Variants in IARS1 observed in about 807,000 individuals in gnomAD.
The protein encoded by IARS1 is isoleucyl-tRNA synthetase 1.
A neutral mutation model predicts 168.2 loss-of-function variants in IARS1; 124 were observed. That is an observed-to-expected ratio of 0.74 (90% CI 0.64 to 0.86). The LOEUF (loss-of-function observed/expected upper bound fraction) is 0.86, where lower values mean the gene tolerates loss of function less well. Ranked by LOEUF, IARS1 falls within the 40% of genes least tolerant of loss-of-function variation. The pLI, the probability that IARS1 is intolerant of heterozygous loss-of-function variation, is 0.00. For synonymous variants in IARS1, 532 were observed against 529.4 expected (o/e 1.00, Z -0.07); for missense variants, 1,452 against 1,515.8 (o/e 0.96, Z 0.70).
intron 33 of IARS1, among the ~76,000 whole-genome samples, chr9:92,211,445 C>T (rs1391698170): frequency 6.6e-6 from 1 of 152,138 alleles, no homozygotes; most frequent in African/African-American, 2.4e-5. Context: ...GAGTCTGAGT[C>T]CTCCTAGCAG....
chr9:92,278,021 T>C (rs1834005861), intron 8 of IARS1, 98 bp from the exon 9 acceptor site: 1 of 1,208,642 alleles, frequency 8.3e-7, no homozygotes, highest in South Asian at 1.3e-5. Context: ...ACTGGCTTCT[T>C]AGCCCTAGCC....
At chr9:92,267,807 CT>C (rs1380253812) in intron 14 of IARS1, among the ~76,000 whole-genome samples, 1 of 152,076 alleles carries the variant, frequency 6.6e-6, no homozygotes, top group East Asian at 1.9e-4. Context: ...TTCAAGTTTT[CT>C]TTTTTCATCA....
chr9:92,271,489 A>C (rs368787535), intron 11 of IARS1, 44 bp downstream of exon 11: 5 of 1,607,600 alleles, frequency 3.1e-6, no homozygotes, highest in East Asian at 4.5e-5. Flanking sequence ...GTAGAGACTA[A>C]TCAGAAGTAA....
Position 92,288,128 on chromosome 9 carries a change from C to A in IARS1, c.274G>T (p.Val92Leu), listed in dbSNP as rs942994892. Residue 92 changes from valine to leucine, a missense_variant and splice_region_variant, in exon 3 of 34, where the codon GTG (valine) becomes TTG (leucine). Transcript: ENST00000443024. ...TAAAGCTGGATACTCAAACATACCA[C>A]AGGTAAGCCATGGCAATCCCATCCA... ...RFGWDCHGLPVEYEIDKTLGI... is the reference protein window; with the variant it reads ...RFGWDCHGLPLEYEIDKTLGI... The A allele has an allele frequency of 6.2e-7, 1 of 1,612,846 alleles. No homozygotes were observed. The highest frequency in any genetic ancestry group is 8.5e-7 in the Non-Finnish European group (1 of 1,179,626).
chr9:92,233,511 G>A (rs1410674256), intron 30 of IARS1, among the ~76,000 whole-genome samples: 2 of 152,166 alleles, frequency 1.3e-5, no homozygotes, highest in Non-Finnish European at 2.9e-5. Flanking sequence ...CACACCATTG[G>A]ACTGGGTAAG....
chr9:92,278,064 T>G, intron 8 of IARS1, 135 bp downstream of exon 8: 1 of 1,011,514 alleles, frequency 9.9e-7, no homozygotes, highest in East Asian at 2.4e-5. Context: ...GCAAAGTACT[T>G]AGTATAGTAT....
intron 33 of IARS1, among the ~76,000 whole-genome samples, chr9:92,221,188 A>G (rs1440584959): frequency 6.6e-6 from 1 of 152,166 alleles, no homozygotes; most frequent in Non-Finnish European, 1.5e-5. Flanking sequence ...GGACAAAAGG[A>G]GGGAAAATAG....
At position 92,274,418 on chromosome 9, in the gene IARS1, C is replaced by T; in HGVS notation, c.990+8G>A. ...CTCAAATACATTTGCCAGACTTATG[C>T]TACTCACAGCACCGAAGTAAGGAGC... On this transcript the variant is annotated splice_region_variant and intron_variant, in intron 10 of 33. Coordinates refer to ENST00000443024, the MANE Select transcript of IARS1 (RefSeq NM_002161.6). 1 of 1,606,766 alleles carries T rather than the reference C, an allele frequency of 6.2e-7. No homozygotes were observed. Among genetic ancestry groups the T allele is most frequent in the Non-Finnish European group, 8.5e-7 (1 of 1,173,348 alleles).
In IARS1 at chr9:92,278,217, T is replaced by A; in HGVS notation, c.815A>T (p.Asp272Val). The change falls in exon 8 of 34, where the codon GAC becomes GTC. Residue 272 changes from aspartate to valine, a missense_variant. Coordinates refer to ENST00000443024, the MANE Select transcript of IARS1 (RefSeq NM_002161.6). ...RLSALYKLESDYEILERFPGA... is the reference protein window; with the variant it reads ...RLSALYKLESVYEILERFPGA... ...TATTCACCTTTCAAGGATCTCATAG[T>A]CACTCTCCAATTTATAGAGGGCTGA... is the stretch of plus-strand genomic sequence containing the variant. 1 of 1,605,100 alleles carries A rather than the reference T, an allele frequency of 6.2e-7. No individual in the cohort carries two copies. Among genetic ancestry groups the A allele is most frequent in the Non-Finnish European group, 8.5e-7 (1 of 1,171,714 alleles).
intron 30 of IARS1, among the ~76,000 whole-genome samples, chr9:92,229,346 C>T (rs1245961658): frequency 7.6e-6 from 1 of 131,080 alleles, no homozygotes; most frequent in Non-Finnish European, 1.6e-5. Context: ...AGTGTATATG[C>T]AATATATACA....
intron 4 of IARS1, 22 bp from the exon 5 acceptor site, chr9:92,286,640 A>G: frequency 8.6e-7 from 1 of 1,164,282 alleles, no homozygotes; most frequent in Non-Finnish European, 1.3e-6. Flanking sequence ...TAATATTAGA[A>G]CAGTATTAGA....
In IARS1 at chr9:92,268,033, C is replaced by T. The variant is rs559663288; in HGVS notation, c.1431+141G>A. 17 of 887,314 alleles carry T rather than the reference C, an allele frequency of 1.9e-5. No individual in the cohort carries two copies. In the East Asian group the frequency reaches 4.9e-4, roughly 26 times the overall value. 55.0% of individuals were successfully genotyped at this position (887,314 alleles called of 1,614,324 possible). On this transcript the variant is annotated intron_variant, in intron 14 of 33. Coordinates refer to ENST00000443024, the MANE Select transcript of IARS1 (RefSeq NM_002161.6). ...AAACAGATTATCTTATGTCATGATTCTAGAAAGGAATAAAGAGGAAAAAAG... is the reference window on the plus strand; with the variant it reads ...AAACAGATTATCTTATGTCATGATTTTAGAAAGGAATAAAGAGGAAAAAAG...
intron 30 of IARS1, among the ~76,000 whole-genome samples, chr9:92,231,136 G>A (rs1826613968): frequency 1.3e-5 from 2 of 152,046 alleles, no homozygotes; most frequent in Non-Finnish European, 2.9e-5. Context: ...TTGTGTCAAG[G>A]CTTTAAAACT....
chr9:92,210,344 T>C lies in IARS1; in HGVS notation c.*463A>G, dbSNP rs928168192. On this transcript the variant is annotated 3_prime_UTR_variant, in exon 34 of 34. Transcript: ENST00000443024. ...GAATGAATTACTTTCAACACATTTA[T>C]ATCTGAGTTTGTTTATTGTTCTGAT... is the stretch of plus-strand genomic sequence containing the variant. 3 of 153,084 alleles carry C rather than the reference T, an allele frequency of 2.0e-5. No homozygotes were observed. Among genetic ancestry groups the C allele is most frequent in the African/African-American group, 2.4e-5 (1 of 41,596 alleles). 9.5% of individuals were successfully genotyped at this position (153,084 alleles called of 1,614,324 possible).
rs1161741179 is a variant in IARS1, at chr9:92,282,114, A to AAAAAC, written c.598-1222_598-1221insGTTTT. Among the ~76,000 whole-genome samples the AAAAAC allele has an allele frequency of 1.4e-3, 219 of 152,304 alleles. 6 individuals are homozygous for AAAAAC. The South Asian group carries it at 0.044, about 31-fold the overall frequency. On this transcript the variant is annotated intron_variant, in intron 6 of 33. Transcript: ENST00000443024. ...CAATGTTACTGATTTTAGGAAATAT[A>AAAAAC]TAGTTTTTAGAGGAAAAGGGCCATA...
chr9:92,222,598 G>T lies in IARS1; in HGVS notation c.3628C>A (p.Leu1210Ile), dbSNP rs1469110167. 3 of 1,614,048 alleles carry T rather than the reference G, an allele frequency of 1.9e-6. No homozygotes were observed. Among genetic ancestry groups the T allele is most frequent in the South Asian group, 2.2e-5 (2 of 91,082 alleles). The part of the protein sequence containing the change: ...LGQNGLTHQG[L>I]LYEAAKVFGL... ...AACACCTTGGCTGCTTCATACAGAAGACCTTGGTGGGTGAGTCCATTCTGC... is the reference window on the plus strand; with the variant it reads ...AACACCTTGGCTGCTTCATACAGAATACCTTGGTGGGTGAGTCCATTCTGC... The change falls in exon 33 of 34, where the codon CTT becomes ATT. Residue 1210 changes from leucine (L) to isoleucine (I), a missense_variant. Physicochemically the swap from Leu to Ile is conservative, Grantham distance 5. Coordinates refer to ENST00000443024, the MANE Select transcript of IARS1 (RefSeq NM_002161.6).
intron 9 of IARS1, among the ~76,000 whole-genome samples, chr9:92,277,473 T>TTTG (rs1212324775): frequency 3.3e-5 from 5 of 150,368 alleles, no homozygotes; most frequent in Admixed American, 6.6e-5. Flanking sequence ...ATTCCAGGAG[T>TTTG]TCAAGACCAG....
chr9:92,226,563 A>C (rs1049999962), intron 31 of IARS1, among the ~76,000 whole-genome samples: 9 of 152,196 alleles, frequency 5.9e-5, no homozygotes, highest in Admixed American at 2.0e-4. Context: ...GGGGCTAGGG[A>C]ATAAAAATAA....
rs2133923639 is a variant in IARS1 at position 92,278,186 on chromosome 9, T to C, written c.833+13A>G. ...CATGCACACAAACACAGAGCAACTA[T>C]TTGAATATTCACCTTTCAAGGATCT... On this transcript the variant is annotated intron_variant, in intron 8 of 33. Transcript: ENST00000443024. The C allele has an allele frequency of 1.3e-6, 2 of 1,492,924 alleles. No homozygotes were observed. The highest frequency in any genetic ancestry group is 1.7e-4 in the Middle Eastern group (1 of 5,862). The allele number at this position is 1,492,924 out of a possible 1,614,324, so 92.5% of individuals were successfully genotyped here.
Sources: allele counts gnomAD v4.1 joint callset (sites outside exome capture counted in the v4.1 genomes callset), GRCh38; gene constraint gnomAD v4.1.1; transcripts MANE v1.5; gene names NCBI Gene and HGNC (gene_info 2026-07-23, HGNC 2026-07-21).